SLX4IP: variants seen among roughly 807,000 people sequenced by gnomAD.
SLX4IP encodes the protein SLX4 interacting protein.
SLX4IP carries 34 observed loss-of-function variants against 32.9 expected under a neutral mutation model. The observed-to-expected ratio is 1.03, with a 90% CI of 0.79 to 1.38. The LOEUF (loss-of-function observed/expected upper bound fraction) is 1.38, where lower values mean the gene tolerates loss of function less well. Among genes scored for constraint, SLX4IP ranks in the 40% most tolerant of loss-of-function variants. The probability of loss-of-function intolerance (pLI) is 0.00; values close to 1 mark genes in which losing one functional copy is unlikely to be tolerated. For synonymous variants in SLX4IP, 172 were observed against 171.7 expected, an observed-to-expected ratio of 1.00 and a Z score of -0.01; for missense variants, 444 against 479.0, an observed-to-expected ratio of 0.93 and a Z score of 0.68.
chr20:10,533,220 T>C (rs1198404422), intron 2 of SLX4IP, among the ~76,000 whole-genome samples: 1 of 152,172 alleles, frequency 6.6e-6, no homozygotes, highest in East Asian at 1.9e-4. Context: ...TAAATCACTC[T>C]GGTGGGAAGA....
chr20:10,578,267 C>T (rs1425738406), intron 4 of SLX4IP, among the ~76,000 whole-genome samples: 2 of 152,202 alleles, frequency 1.3e-5, no homozygotes, highest in African/African-American at 2.4e-5. Flanking sequence ...CAACCAACCA[C>T]CAGCTTACTT....
At chr20:10,447,839 C>T (rs2065213628) in intron 1 of SLX4IP, among the ~76,000 whole-genome samples, 1 of 150,474 alleles carries the variant, frequency 6.6e-6, no homozygotes. Flanking sequence ...TAGCTGGGAC[C>T]ACAGGTGGGG....
intron 2 of SLX4IP, among the ~76,000 whole-genome samples, chr20:10,511,664 C>A (rs756523044): frequency 1.2e-4 from 18 of 152,192 alleles, no homozygotes; most frequent in Non-Finnish European, 2.1e-4. Context: ...TCTTACTACC[C>A]CAGCTTCGCA....
intron 6 of SLX4IP, among the ~76,000 whole-genome samples, chr20:10,609,397 G>A (rs1028710545): frequency 9.9e-5 from 15 of 152,138 alleles, no homozygotes; most frequent in African/African-American, 2.7e-4. Context: ...TTACTATCAT[G>A]AGCTCTGAGT....
At chr20:10,453,090 C>T (rs2065256535) in intron 1 of SLX4IP, among the ~76,000 whole-genome samples, 3 of 152,178 alleles carry the variant, frequency 2.0e-5, no homozygotes, top group East Asian at 1.9e-4. Context: ...CTAATATCAT[C>T]GTAAGCATAA....
chr20:10,623,455 G>A lies in SLX4IP; in HGVS notation c.*76G>A. 6.6e-7 allele frequency: 1 copy of A among 1,510,152 alleles called. No individual in the cohort carries two copies. The highest frequency in any genetic ancestry group is 2.0e-4 in the Middle Eastern group (1 of 4,932). The allele number at this position is 1,510,152 out of a possible 1,614,324, so 93.5% of individuals were successfully genotyped here. A position where few individuals can be genotyped will look rare whatever the true frequency, so the allele number is the denominator to read the frequency against. On this transcript the variant is annotated 3_prime_UTR_variant, in exon 8 of 8. Transcript: ENST00000334534. ...TGACAAGAGAGCTGCGAATATAGATGCCGGGATTTTAAAGGAATTAATTAG... is the reference window on the plus strand; with the variant it reads ...TGACAAGAGAGCTGCGAATATAGATACCGGGATTTTAAAGGAATTAATTAG...
intron 2 of SLX4IP, among the ~76,000 whole-genome samples, chr20:10,478,515 AT>A: frequency 6.6e-6 from 1 of 152,370 alleles, no homozygotes; most frequent in Non-Finnish European, 1.5e-5. Context: ...TTGTGAAGAT[AT>A]TAATTTAGAA....
intron 6 of SLX4IP, among the ~76,000 whole-genome samples, chr20:10,618,013 C>G (rs1346799915): frequency 6.6e-6 from 1 of 152,218 alleles, no homozygotes; most frequent in Non-Finnish European, 1.5e-5. Context: ...AGGCACCTAG[C>G]TCATCCTGGT....
intron 4 of SLX4IP, among the ~76,000 whole-genome samples, chr20:10,572,395 T>A (rs78119533): frequency 0.026 from 3,924 of 152,256 alleles, 102 homozygotes; most frequent in Admixed American, 0.088. Flanking sequence ...AGGAGCAGTA[T>A]TCTGCTTGAA....
chr20:10,588,090 T>C (rs2066665736), intron 4 of SLX4IP, among the ~76,000 whole-genome samples: 1 of 151,830 alleles, frequency 6.6e-6, no homozygotes, highest in African/African-American at 2.4e-5. Flanking sequence ...TAATAAGGGA[T>C]TAATATCCAA....
At chr20:10,574,329 A>G (rs1383342741) in intron 4 of SLX4IP, among the ~76,000 whole-genome samples, 1 of 152,222 alleles carries the variant, frequency 6.6e-6, no homozygotes, top group African/African-American at 2.4e-5. Context: ...GACCTTTCCC[A>G]TGTAAGTATA....
chr20:10,619,174 T>A (rs1283780525), intron 6 of SLX4IP, among the ~76,000 whole-genome samples: 2 of 152,116 alleles, frequency 1.3e-5, no homozygotes, highest in African/African-American at 4.8e-5. Flanking sequence ...AGACCCCGCC[T>A]TGCTTTTCTC....
At chr20:10,451,399 A>T (rs1306962815) in intron 1 of SLX4IP, among the ~76,000 whole-genome samples, 1 of 151,946 alleles carries the variant, frequency 6.6e-6, no homozygotes, top group Admixed American at 6.6e-5. Flanking sequence ...ACCCCAAGTG[A>T]TCCACGTGCG....
intron 6 of SLX4IP, among the ~76,000 whole-genome samples, chr20:10,615,638 C>A (rs1423017710): frequency 6.6e-6 from 1 of 152,186 alleles, no homozygotes; most frequent in African/African-American, 2.4e-5. Flanking sequence ...CAGGAGGACC[C>A]TTACATCATC....
intron 6 of SLX4IP, among the ~76,000 whole-genome samples, chr20:10,609,963 T>C (rs185157133): frequency 6.6e-6 from 1 of 152,332 alleles, no homozygotes; most frequent in Non-Finnish European, 1.5e-5. Flanking sequence ...TTATGTTTTT[T>C]TCTGGTCAAA....
intron 2 of SLX4IP, among the ~76,000 whole-genome samples, chr20:10,483,551 T>C (rs929402643): frequency 1.3e-5 from 2 of 152,226 alleles, no homozygotes; most frequent in African/African-American, 4.8e-5. Flanking sequence ...GAATTCCTCA[T>C]GAATGTTGCA....
chr20:10,571,909 A>G (rs1305259041), intron 4 of SLX4IP, among the ~76,000 whole-genome samples: 1 of 152,212 alleles, frequency 6.6e-6, no homozygotes, highest in African/African-American at 2.4e-5. Context: ...AGTCAAAACC[A>G]CAACTTACCC....
chr20:10,556,148 A>G (rs909770688), intron 2 of SLX4IP, 83 bp from the exon 3 acceptor site: 9 of 1,287,310 alleles, frequency 7.0e-6, no homozygotes, highest in Non-Finnish European at 9.9e-6. Context: ...ATGAGCAACC[A>G]CATAGGAATT....
intron 2 of SLX4IP, among the ~76,000 whole-genome samples, chr20:10,477,547 G>A (rs927303938): frequency 1.3e-5 from 2 of 152,134 alleles, no homozygotes; most frequent in African/African-American, 4.8e-5. Flanking sequence ...GATTACAGGC[G>A]TGAGCCACCG....
Sources: allele counts gnomAD v4.1 joint callset (sites outside exome capture counted in the v4.1 genomes callset), GRCh38; gene constraint gnomAD v4.1.1; transcripts MANE v1.5; gene names NCBI Gene and HGNC (gene_info 2026-07-23, HGNC 2026-07-21).